Variants in EP300 observed in about 807,000 individuals in gnomAD.
EP300 encodes the protein histone acetyltransferase p300.
A neutral mutation model predicts 264.0 loss-of-function variants in EP300; 31 were observed. The ratio of observed to expected loss-of-function variants is 0.12; its 90% CI spans 0.09 to 0.16. The LOEUF is 0.16. Among genes scored for constraint, EP300 ranks in the 10% least tolerant of loss-of-function variants. EP300 has a pLI of 1.00. For synonymous variants in EP300, 1,340 were observed against 1,045.4 expected, an observed-to-expected ratio of 1.28 and a Z score of -5.44; for missense variants, 2,766 against 3,052.9, an observed-to-expected ratio of 0.91 and a Z score of 2.21.
At chr22:41,107,157 C>G (rs1268153878) in intron 1 of EP300, among the ~76,000 whole-genome samples, 2 of 152,064 alleles carry the variant, frequency 1.3e-5, no homozygotes, top group African/African-American at 4.8e-5. Flanking sequence ...CCTCGGCCTT[C>G]CAAAGTGCTG....
rs750769421 is a variant in EP300 at position 41,177,999 on chromosome 22, T to A, written c.6288T>A (p.Asn2096Lys). The change falls in exon 31 of 31, where the codon AAT becomes AAA. Residue 2096 changes from asparagine (N) to lysine (K), a missense_variant. By Grantham distance (94) the Asn-to-Lys change is moderately conservative. Transcript: ENST00000263253. ...GGGCTGCCAAGTATGCCAACTCTAATCCACAACCCATCCCTGGGCAGCCTG... is the reference window on the plus strand; with the variant it reads ...GGGCTGCCAAGTATGCCAACTCTAAACCACAACCCATCCCTGGGCAGCCTG... Reference protein sequence around the residue: ...KQRAAKYANSNPQPIPGQPGM... With the variant: ...KQRAAKYANSKPQPIPGQPGM... 1.2e-6 allele frequency: 2 copies of A among 1,614,032 alleles called. No homozygotes were observed. The highest frequency in any genetic ancestry group is 8.5e-7 in the Non-Finnish European group (1 of 1,179,988).
Position 41,126,200 on chromosome 22 carries a change from TTTCC to T in EP300, c.906+161_906+164del. On this transcript the variant is annotated intron_variant, in intron 3 of 30. Coordinates refer to ENST00000263253, the MANE Select transcript of EP300 (RefSeq NM_001429.4). Reference sequence around the variant, plus strand: ...TCCCTGTGAGGAGGCTTGTGCTTCCTTTCCATTTCTCTGTTTTTTTTGTTCCATG... The same window carrying T: ...TCCCTGTGAGGAGGCTTGTGCTTCCTATTTCTCTGTTTTTTTTGTTCCATG... 7 of 703,890 alleles carry T rather than the reference TTTCC, an allele frequency of 9.9e-6. No individual in the cohort carries two copies. The South Asian group carries it at 1.3e-4, about 13-fold the overall frequency. The allele number at this position is 703,890 out of a possible 1,614,324, so 43.6% of individuals were successfully genotyped here.
intron 25 of EP300, 171 bp from the exon 26 acceptor site, chr22:41,169,331 TC>T (rs900472140): frequency 7.9e-6 from 5 of 633,282 alleles, no homozygotes; most frequent in South Asian, 5.7e-5. Flanking sequence ...TCACTGAACT[TC>T]CCTGAAGGGT....
chr22:41,166,216 T>C (rs1419129274), intron 22 of EP300, among the ~76,000 whole-genome samples: 1 of 152,228 alleles, frequency 6.6e-6, no homozygotes, highest in Admixed American at 6.6e-5. Context: ...ACAAATATCA[T>C]GTGCATTTGC....
intron 10 of EP300, among the ~76,000 whole-genome samples, chr22:41,143,686 G>GTACCTCAGC (rs1467060653): frequency 6.6e-6 from 1 of 151,402 alleles, no homozygotes; most frequent in Non-Finnish European, 1.5e-5. Flanking sequence ...GTTGATTCTT[G>GTACCTCAGC]TACCTCAGCA....
intron 29 of EP300, among the ~76,000 whole-genome samples, chr22:41,174,027 T>C (rs924979669): frequency 1.3e-5 from 2 of 152,148 alleles, no homozygotes; most frequent in Admixed American, 1.3e-4. Context: ...GGAGAATTGC[T>C]TGAACCTGAG....
chr22:41,100,395 G>A (rs2058724960), intron 1 of EP300, among the ~76,000 whole-genome samples: 1 of 152,112 alleles, frequency 6.6e-6, no homozygotes, highest in Non-Finnish European at 1.5e-5. Context: ...TCATAGAGGA[G>A]TCTTAAGAGT....
intron 16 of EP300, among the ~76,000 whole-genome samples, chr22:41,154,487 T>G (rs1002959919): frequency 2.0e-5 from 3 of 147,790 alleles, no homozygotes; most frequent in African/African-American, 7.5e-5. Context: ...GTTCAAGCAG[T>G]TCTCTTGCCT....
intron 2 of EP300, among the ~76,000 whole-genome samples, chr22:41,125,636 C>T (rs1186577703): frequency 6.6e-6 from 1 of 152,156 alleles, no homozygotes; most frequent in Non-Finnish European, 1.5e-5. Flanking sequence ...CCCACTTTAG[C>T]CTTCCAATTA....
Position 41,109,253 on chromosome 22 carries a change from C to CAAA in EP300, c.95-7921_95-7919dup, listed in dbSNP as rs71328769. Among the ~76,000 whole-genome samples, 337 of 116,274 alleles carry CAAA rather than the reference C, an allele frequency of 2.9e-3. 4 individuals are homozygous for CAAA. Among genetic ancestry groups the CAAA allele is most frequent in the Admixed American group, 5.1e-3 (58 of 11,368 alleles). 76.3% of individuals were successfully genotyped at this position (116,274 alleles called of 152,430 possible). A position where few individuals can be genotyped will look rare whatever the true frequency, so the allele number is the denominator to read the frequency against. The stretch of plus-strand genomic sequence containing the variant: ...TGGGCGACAGAGCAAGACCCTGTCT[C>CAAA]AAAAAAAAAAAAAAACAAAAAAAAA... On this transcript the variant is annotated intron_variant, in intron 1 of 30. Coordinates refer to ENST00000263253, the MANE Select transcript of EP300 (RefSeq NM_001429.4).
intron 2 of EP300, among the ~76,000 whole-genome samples, chr22:41,123,593 T>C (rs2058864093): frequency 6.6e-6 from 1 of 152,212 alleles, no homozygotes; most frequent in South Asian, 2.1e-4. Flanking sequence ...AAGGACCCTT[T>C]GATTGGTCTT....
chr22:41,134,896 T>C (rs1405348066), intron 6 of EP300, among the ~76,000 whole-genome samples: 2 of 150,326 alleles, frequency 1.3e-5, no homozygotes, highest in Non-Finnish European at 2.9e-5. Context: ...TGAGCATTGC[T>C]TTTTTCTTTC....
Position 41,172,644 on chromosome 22 carries a change from C to G in EP300, c.4598C>G (p.Thr1533Ser), listed in dbSNP as rs886057561. ...GAAGAGAGAAAACGAGAGGAAAACACCAGCAATGAAAGCACAGATGTAAGG... is the reference window on the plus strand; with the variant it reads ...GAAGAGAGAAAACGAGAGGAAAACAGCAGCAATGAAAGCACAGATGTAAGG... Reference protein sequence around the residue: ...EEEERKREENTSNESTDVTKG... With the variant: ...EEEERKREENSSNESTDVTKG... The change falls in exon 28 of 31, where the codon ACC becomes AGC. Residue 1533 changes from threonine to serine, a missense_variant. By Grantham distance (58) the Thr-to-Ser change is moderately conservative. Transcript: ENST00000263253. The G allele has an allele frequency of 1.9e-6, 3 of 1,613,342 alleles. No homozygotes were observed. Among genetic ancestry groups the G allele is most frequent in the Non-Finnish European group, 2.5e-6 (3 of 1,179,538 alleles).
rs1192330545 is a variant in EP300 at position 41,149,888 on chromosome 22, C to A, written c.2507C>A (p.Pro836His). The change falls in exon 14 of 31, where the codon CCT becomes CAT. Residue 836 changes from proline to histidine, a missense_variant. By Grantham distance (77) the Pro-to-His change is moderately conservative (BLOSUM62 -2). Coordinates refer to ENST00000263253, the MANE Select transcript of EP300 (RefSeq NM_001429.4). ...CATCAGAATTCACCCTCGCCTGTAC[C>A]TAGTCGTACCCCCACCCCTCACCAT... ...ALHQNSPSPV[P>H]SRTPTPHHTP... 12 of 1,614,044 alleles carry A rather than the reference C, an allele frequency of 7.4e-6. No individual in the cohort carries two copies. The highest frequency in any genetic ancestry group is 1.0e-5 in the Non-Finnish European group (12 of 1,179,994).
At chr22:41,170,608 A>G (rs1365700230) in intron 27 of EP300, 37 bp downstream of exon 27, 1 of 1,530,946 alleles carries the variant, frequency 6.5e-7, no homozygotes, top group South Asian at 1.1e-5. Flanking sequence ...CTGACAATAG[A>G]TCTGGAAATG....
intron 25 of EP300, 131 bp from the exon 26 acceptor site, chr22:41,169,372 T>G: frequency 2.7e-5 from 19 of 707,824 alleles, no homozygotes; most frequent in Non-Finnish European, 4.8e-5. Context: ...CTGCCTGTGA[T>G]GAGCTTCACA....
chr22:41,096,243 A>G (rs1007298824), intron 1 of EP300, among the ~76,000 whole-genome samples: 3 of 152,174 alleles, frequency 2.0e-5, no homozygotes, highest in African/African-American at 7.2e-5. Flanking sequence ...ATGTTAGGCA[A>G]ATCCTGGAAA....
chr22:41,151,969 A>T lies in EP300; in HGVS notation c.2954A>T (p.Asp985Val). The T allele has an allele frequency of 6.2e-7, 1 of 1,614,234 alleles. No individual in the cohort carries two copies. The highest frequency in any genetic ancestry group is 1.1e-5 in the South Asian group (1 of 91,086). Residue 985 changes from aspartate to valine, a missense_variant, in exon 15 of 31, where the codon GAT (aspartate) becomes GTT (valine). Coordinates refer to ENST00000263253, the MANE Select transcript of EP300 (RefSeq NM_001429.4). ...EVKMEAKMEV[D>V]QPEPADTQPE... is the part of the protein sequence containing the mutation. ...AAGATGGAGGCCAAAATGGAAGTGGATCAACCAGAACCAGCAGATACTCAG... is the reference window on the plus strand; with the variant it reads ...AAGATGGAGGCCAAAATGGAAGTGGTTCAACCAGAACCAGCAGATACTCAG...
chr22:41,152,292 C>A lies in EP300; in HGVS notation c.3084C>A (p.Asp1028Glu), dbSNP rs746999540. The A allele has an allele frequency of 6.2e-7, 1 of 1,614,066 alleles. No homozygotes were observed. ...AAACTGAAATAAAAGAGGAGGAAGACCAGCCAAGTACTTCAGCTACCCAGT... is the reference window on the plus strand; with the variant it reads ...AAACTGAAATAAAAGAGGAGGAAGAACAGCCAAGTACTTCAGCTACCCAGT... ...ELKTEIKEEEDQPSTSATQSS... is the reference protein window; with the variant it reads ...ELKTEIKEEEEQPSTSATQSS... The change falls in exon 16 of 31, where the codon GAC becomes GAA. Residue 1028 changes from aspartate (D) to glutamate (E), a missense_variant. Coordinates refer to ENST00000263253, the MANE Select transcript of EP300 (RefSeq NM_001429.4).
Sources: allele counts gnomAD v4.1 joint callset (sites outside exome capture counted in the v4.1 genomes callset), GRCh38; gene constraint gnomAD v4.1.1; transcripts MANE v1.5; gene names NCBI Gene and HGNC (gene_info 2026-07-23, HGNC 2026-07-21).